ATG7: variants seen among roughly 807,000 people sequenced by gnomAD.
ATG7 encodes the protein ubiquitin-like modifier-activating enzyme ATG7.
In ATG7, 70 loss-of-function variants were observed where a neutral mutation model predicts 82.4. That is an observed-to-expected ratio of 0.85 (90% CI 0.70 to 1.04). The LOEUF is 1.04. Ranked by LOEUF, ATG7 falls within the 50% of genes least tolerant of loss-of-function variation. The pLI, the probability that ATG7 is intolerant of heterozygous loss-of-function variation, is 0.00. For synonymous variants in ATG7, 287 were observed against 313.0 expected, an observed-to-expected ratio of 0.92 and a Z score of 0.88; for missense variants, 792 against 864.3, an observed-to-expected ratio of 0.92 and a Z score of 1.05.
intron 9 of ATG7, among the ~76,000 whole-genome samples, chr3:11,329,492 C>T (rs976039974): frequency 6.6e-6 from 1 of 152,192 alleles, no homozygotes; most frequent in African/African-American, 2.4e-5. Flanking sequence ...ACTCACTCTA[C>T]ATCCTTCCTT....
At chr3:11,415,496 C>A (rs12493088) in intron 19 of ATG7, among the ~76,000 whole-genome samples, 2,249 of 152,238 alleles carry the variant, frequency 0.015, 55 homozygotes, top group African/African-American at 0.052. Context: ...ACAAATTGTA[C>A]AGCCATACAA....
intron 20 of ATG7, among the ~76,000 whole-genome samples, chr3:11,523,969 G>A (rs759296194): frequency 6.6e-6 from 1 of 152,182 alleles, no homozygotes; most frequent in Admixed American, 6.5e-5. Context: ...GAGCCATTGC[G>A]CTCTGCATGT....
intron 6 of ATG7, among the ~76,000 whole-genome samples, chr3:11,307,904 G>A (rs1253255519): frequency 2.6e-5 from 4 of 152,182 alleles, no homozygotes; most frequent in Non-Finnish European, 4.4e-5. Context: ...GAGGATGGTC[G>A]TTTTTCTTGA....
chr3:11,448,524 A>C (rs551504670), intron 20 of ATG7, among the ~76,000 whole-genome samples: 143 of 152,334 alleles, frequency 9.4e-4, no homozygotes, highest in African/African-American at 3.4e-3. Context: ...TGCCGTGCTG[A>C]AACTTGTTGA....
the ATG7 span, among the ~76,000 whole-genome samples, chr3:11,565,704 A>G: frequency 6.6e-6 from 1 of 152,230 alleles, no homozygotes; most frequent in African/African-American, 2.4e-5. This position sits in a 1 kb window ranked among gnomAD's most constrained non-coding sequence, Gnocchi z 4.1. Flanking sequence ...AAGGTCCATC[A>G]CTAGCCCTGG....
chr3:11,507,485 G>A (rs924066073), intron 20 of ATG7, among the ~76,000 whole-genome samples: 2 of 152,082 alleles, frequency 1.3e-5, no homozygotes, highest in African/African-American at 4.8e-5. Flanking sequence ...GTAGTGATGA[G>A]TATTTGTGAT....
At chr3:11,495,966 A>G (rs2090798498) in intron 20 of ATG7, among the ~76,000 whole-genome samples, 1 of 152,216 alleles carries the variant, frequency 6.6e-6, no homozygotes, top group Admixed American at 6.5e-5. Flanking sequence ...TAGGCGCGTC[A>G]CGCTAGCATT....
At position 11,394,765 on chromosome 3, in the gene ATG7, A is replaced by G. The variant is rs187848747; in HGVS notation, c.1956+14713A>G. Among the ~76,000 whole-genome samples, 47 of 152,340 alleles carry G rather than the reference A, an allele frequency of 3.1e-4. 1 individual carries two copies. The highest frequency in any genetic ancestry group is 1.1e-3 in the African/African-American group (45 of 41,576). On this transcript the variant is annotated intron_variant, in intron 19 of 20. Transcript: ENST00000693202. ...GGCTTCCTTGCATTAAGATAATTCT[A>G]TTTAGCTAATGCCCATAGTTGCCAG...
chr3:11,477,012 G>A (rs1052544813), intron 20 of ATG7: 14 of 1,039,010 alleles, frequency 1.3e-5, no homozygotes, highest in South Asian at 5.4e-5. Flanking sequence ...AGTGTTTTCC[G>A]ATGGCAGTCA....
At chr3:11,362,671 G>C in intron 16 of ATG7, 142 bp from the exon 17 acceptor site, 1 of 605,364 alleles carries the variant, frequency 1.7e-6, no homozygotes, top group Non-Finnish European at 2.9e-6. Flanking sequence ...AAGAAATGAT[G>C]TACTTGAGGC....
At chr3:11,311,372 G>C (rs962764062) in intron 7 of ATG7, among the ~76,000 whole-genome samples, 1 of 152,078 alleles carries the variant, frequency 6.6e-6, no homozygotes, top group Admixed American at 6.6e-5. Flanking sequence ...GGGAGGCCGA[G>C]GTAGGCGGAT....
chr3:11,568,887 C>T, the ATG7 span: 1 of 1,330,678 alleles, frequency 7.5e-7, no homozygotes, highest in Non-Finnish European at 9.6e-7. The surrounding 1 kb of genome is among the most constrained non-coding windows in gnomAD (Gnocchi z 5.9). Flanking sequence ...CGGCACCCGG[C>T]CCCGCCCCGG....
Position 11,528,090 on chromosome 3 carries a change from G to A in ATG7, c.2080-26721G>A, listed in dbSNP as rs151027519. Among the ~76,000 whole-genome samples the A allele has an allele frequency of 1.5e-3, 226 of 152,200 alleles. 8 individuals carry two copies. The East Asian group carries it at 0.042, about 28-fold the overall frequency. On this transcript the variant is annotated intron_variant, in intron 20 of 20. Transcript: ENST00000693202. ...GGCCTTCTGTTGCCTTCTCATGTTG[G>A]GGACCAACATGAGAAGTAAACGAAC...
chr3:11,358,054 G>T (rs2076048694), intron 14 of ATG7, among the ~76,000 whole-genome samples: 3 of 151,984 alleles, frequency 2.0e-5, no homozygotes, highest in South Asian at 2.1e-4. Flanking sequence ...GAGGTACTTG[G>T]GTAGGCAGAA....
rs551946577 is a variant in ATG7 at position 11,499,266 on chromosome 3, T to A, written c.2080-55545T>A. On this transcript the variant is annotated intron_variant, in intron 20 of 20. Coordinates refer to ENST00000693202, the MANE Select transcript of ATG7 (RefSeq NM_001349232.2). ...GACATTGCCACATTCCTCTATCCTT[T>A]CCTGTTCTACATGGGTTTTCACACA... Among the ~76,000 whole-genome samples, 12 of 152,222 alleles carry A rather than the reference T, an allele frequency of 7.9e-5. No individual in the cohort carries two copies. The South Asian group carries it at 2.3e-3, about 29-fold the overall frequency.
In ATG7 at chr3:11,513,594, C is replaced by T. The variant is rs536062130; in HGVS notation, c.2080-41217C>T. 3.9e-5 allele frequency among the ~76,000 whole-genome samples: 6 copies of T among 152,324 alleles called. No homozygotes were observed. The South Asian group carries it at 6.2e-4, about 16-fold the overall frequency. On this transcript the variant is annotated intron_variant, in intron 20 of 20. Coordinates refer to ENST00000693202, the MANE Select transcript of ATG7 (RefSeq NM_001349232.2). ...AACTCCAGCTGGCCCACAAGTGTGG[C>T]GTGCAGCCCCAGTTCCTGCTCCCGC...
intron 20 of ATG7, among the ~76,000 whole-genome samples, chr3:11,429,870 A>T (rs892000421): frequency 6.8e-6 from 1 of 147,394 alleles, no homozygotes; most frequent in African/African-American, 2.5e-5. Context: ...TGCTTGAACC[A>T]GGGAGGCAGA....
At chr3:11,292,222 T>C (rs1035743338) in intron 3 of ATG7, among the ~76,000 whole-genome samples, 2 of 151,988 alleles carry the variant, frequency 1.3e-5, no homozygotes, top group Non-Finnish European at 2.9e-5. Context: ...CTGTATAGCC[T>C]TGTGTGAATT....
At chr3:11,462,521 G>A (rs1228459229) in intron 20 of ATG7, among the ~76,000 whole-genome samples, 1 of 152,130 alleles carries the variant, frequency 6.6e-6, no homozygotes, top group Non-Finnish European at 1.5e-5. Flanking sequence ...CTTTAGGGTT[G>A]GCTAGTTTGA....
Sources: allele counts gnomAD v4.1 joint callset (sites outside exome capture counted in the v4.1 genomes callset), GRCh38; gene constraint gnomAD v4.1.1; non-coding constraint Gnocchi (gnomAD v3.1); transcripts MANE v1.5; gene names NCBI Gene and HGNC (gene_info 2026-07-23, HGNC 2026-07-21).